Variants in TNPO3 observed in about 807,000 individuals in gnomAD.
TNPO3 encodes transportin 3.
TNPO3 carries 65 observed loss-of-function variants against 122.8 expected under a neutral mutation model. That is an observed-to-expected ratio of 0.53 (90% CI 0.43 to 0.65). The LOEUF (loss-of-function observed/expected upper bound fraction) is 0.65, where lower values mean the gene tolerates loss of function less well. Among genes scored for constraint, TNPO3 ranks in the 30% least tolerant of loss-of-function variants. The probability of loss-of-function intolerance (pLI) is 0.00; values close to 1 mark genes in which losing one functional copy is unlikely to be tolerated. For missense variants in TNPO3, 850 were observed against 1,136.7 expected, an observed-to-expected ratio of 0.75 and a Z score of 3.63; for synonymous variants, 372 against 411.2, an observed-to-expected ratio of 0.90 and a Z score of 1.15.
At chr7:128,991,937 A>T (rs915515964) in intron 10 of TNPO3, 62 bp downstream of exon 10, 3 of 1,175,678 alleles carry the variant, frequency 2.6e-6, no homozygotes, top group East Asian at 4.9e-5. Flanking sequence ...AAAAAAAAAT[A>T]GTGTCATTTT....
chr7:129,023,093 G>C (rs1423482670), intron 1 of TNPO3, among the ~76,000 whole-genome samples: 1 of 152,142 alleles, frequency 6.6e-6, no homozygotes, highest in South Asian at 2.1e-4. Flanking sequence ...AGTATTGTTA[G>C]TCTGAGGCTA....
At chr7:129,014,094 A>G (rs1310095712) in intron 4 of TNPO3, among the ~76,000 whole-genome samples, 1 of 152,228 alleles carries the variant, frequency 6.6e-6, no homozygotes, top group Non-Finnish European at 1.5e-5. Flanking sequence ...TTTATTGAGT[A>G]CTTCAAAATA....
intron 5 of TNPO3, among the ~76,000 whole-genome samples, chr7:129,001,734 C>A (rs1256227974): frequency 6.6e-6 from 1 of 152,198 alleles, no homozygotes; most frequent in Non-Finnish European, 1.5e-5. Flanking sequence ...CATCAATCTT[C>A]CCAATCTTAT....
intron 16 of TNPO3, 34 bp from the exon 17 acceptor site, chr7:128,975,969 C>A: frequency 6.8e-7 from 1 of 1,466,580 alleles, no homozygotes; most frequent in South Asian, 1.1e-5. Context: ...TTCAATGCTT[C>A]GTCCTTCAAA....
chr7:129,054,785 T>A lies in TNPO3; in HGVS notation c.-15A>T, dbSNP rs1175203844. On this transcript the variant is annotated 5_prime_UTR_variant, in exon 1 of 23. Coordinates refer to ENST00000265388, the MANE Select transcript of TNPO3 (RefSeq NM_012470.4). ...GCTCCTTCCATGGTGGTGGCGGTAG[T>A]GGCGGTAGCGACGGCTCTGATTCTT... 1 of 1,613,918 alleles carries A rather than the reference T, an allele frequency of 6.2e-7. No homozygotes were observed.
intron 8 of TNPO3, 43 bp downstream of exon 8, chr7:128,997,346 G>T: frequency 6.2e-7 from 1 of 1,605,310 alleles, no homozygotes; most frequent in South Asian, 1.1e-5. Context: ...GCACTGACAA[G>T]AGGAAGAAAT....
intron 21 of TNPO3, among the ~76,000 whole-genome samples, chr7:128,966,715 A>T (rs1423764690): frequency 6.6e-6 from 1 of 152,260 alleles, no homozygotes; most frequent in Non-Finnish European, 1.5e-5. Flanking sequence ...ATATGTTCAC[A>T]GTAAAAAAAA....
At chr7:128,978,034 A>C (rs1285725169) in intron 16 of TNPO3, among the ~76,000 whole-genome samples, 3 of 151,734 alleles carry the variant, frequency 2.0e-5, no homozygotes, top group Admixed American at 2.0e-4. Context: ...TTTTCCTCAC[A>C]GCATGGGTAC....
chr7:128,992,202 T>C, intron 9 of TNPO3, 112 bp from the exon 10 acceptor site: 1 of 570,468 alleles, frequency 1.8e-6, no homozygotes, highest in Non-Finnish European at 3.1e-6. Flanking sequence ...CTAAATCTAA[T>C]TACCTCTCAA....
chr7:128,990,194 G>T, intron 10 of TNPO3, 94 bp from the exon 11 acceptor site: 1 of 1,367,598 alleles, frequency 7.3e-7, no homozygotes, highest in Non-Finnish European at 1.0e-6. Context: ...ATTGCTAAAG[G>T]GCTTCTTTCT....
intron 12 of TNPO3, 71 bp downstream of exon 12, chr7:128,986,658 T>C (rs899954693): frequency 3.5e-6 from 5 of 1,409,930 alleles, no homozygotes; most frequent in South Asian, 2.8e-5. Context: ...AAAACTGGGA[T>C]ATGACAGATG....
At chr7:128,965,642 C>T (rs920864211) in intron 21 of TNPO3, among the ~76,000 whole-genome samples, 4 of 152,188 alleles carry the variant, frequency 2.6e-5, no homozygotes, top group African/African-American at 9.7e-5. Flanking sequence ...GATATTTGTA[C>T]ACCTGTGTTT....
intron 1 of TNPO3, among the ~76,000 whole-genome samples, chr7:129,040,169 C>T (rs969018884): frequency 1.3e-5 from 2 of 151,454 alleles, no homozygotes; most frequent in Non-Finnish European, 2.9e-5. Flanking sequence ...GCAGGAGAAT[C>T]ACTTGAACCC....
rs1554441599 is a variant in TNPO3, at chr7:129,018,046, G to A, written c.232C>T (p.Leu78Phe). 1 of 1,614,146 alleles carries A rather than the reference G, an allele frequency of 6.2e-7. No homozygotes were observed. The highest frequency in any genetic ancestry group is 8.5e-7 in the Non-Finnish European group (1 of 1,180,018). Residue 78 changes from leucine (L) to phenylalanine (F), a missense_variant, in exon 2 of 23, where the codon CTC (leucine) becomes TTC (phenylalanine). Leu to Phe is a conservative substitution (Grantham distance 22). Coordinates refer to ENST00000265388, the MANE Select transcript of TNPO3 (RefSeq NM_012470.4). ...KMKIQTSFYE[L>F]PTDSHASLRD... ...AAAGAGGCATGAGAGTCTGTGGGGAGCTCATAAAATGAGGTCTGAATCTTC... is the reference window on the plus strand; with the variant it reads ...AAAGAGGCATGAGAGTCTGTGGGGAACTCATAAAATGAGGTCTGAATCTTC...
At chr7:129,046,314 C>G (rs1348644548) in intron 1 of TNPO3, among the ~76,000 whole-genome samples, 1 of 151,944 alleles carries the variant, frequency 6.6e-6, no homozygotes, top group African/African-American at 2.4e-5. Context: ...GGTACACTCT[C>G]TGGGAGAAAG....
At chr7:129,046,214 A>G (rs1384900134) in intron 1 of TNPO3, among the ~76,000 whole-genome samples, 3 of 151,470 alleles carry the variant, frequency 2.0e-5, no homozygotes, top group Admixed American at 6.6e-5. Context: ...AAAAAAAAAA[A>G]AAAGAAACTG....
Position 128,980,034 on chromosome 7 carries a change from G to A in TNPO3, c.1860-3C>T. On this transcript the variant is annotated splice_region_variant and splice_polypyrimidine_tract_variant and intron_variant, in intron 14 of 22. Transcript: ENST00000265388. Reference sequence around the variant, plus strand: ...TTTCCACAATGGGATTGGTATGCCTGGGAAAAGACAACAGCCCAAAATAGT... The same window carrying A: ...TTTCCACAATGGGATTGGTATGCCTAGGAAAAGACAACAGCCCAAAATAGT... 1.9e-6 allele frequency: 3 copies of A among 1,614,008 alleles called. No individual in the cohort carries two copies. The highest frequency in any genetic ancestry group is 2.5e-6 in the Non-Finnish European group (3 of 1,179,924).
intron 12 of TNPO3, among the ~76,000 whole-genome samples, chr7:128,984,754 T>C (rs1386541621): frequency 3.9e-5 from 6 of 152,250 alleles, no homozygotes; most frequent in Non-Finnish European, 8.8e-5. Context: ...ACATTTTCTT[T>C]GGGCTTCAGT....
At chr7:129,015,660 G>A (rs773378960) in intron 3 of TNPO3, among the ~76,000 whole-genome samples, 4 of 151,868 alleles carry the variant, frequency 2.6e-5, no homozygotes, top group Non-Finnish European at 4.4e-5. Flanking sequence ...CAGGGAGACC[G>A]TTTCTACATT....
Sources: allele counts gnomAD v4.1 joint callset (sites outside exome capture counted in the v4.1 genomes callset), GRCh38; gene constraint gnomAD v4.1.1; transcripts MANE v1.5; gene names NCBI Gene and HGNC (gene_info 2026-07-23, HGNC 2026-07-21).